Variants in VKORC1L1 observed in about 807,000 individuals in gnomAD.
The protein encoded by VKORC1L1 is vitamin K epoxide reductase complex subunit 1-like protein 1.
Under a neutral mutation model 18.9 loss-of-function variants are expected in VKORC1L1, and 2 were observed. The ratio of observed to expected loss-of-function variants is 0.11; its 90% CI spans 0.04 to 0.33. The LOEUF is 0.33. Ranked by LOEUF, VKORC1L1 falls within the 10% of genes least tolerant of loss-of-function variation. The probability of loss-of-function intolerance (pLI) is 1.00; values close to 1 mark genes in which losing one functional copy is unlikely to be tolerated. For missense variants in VKORC1L1, 123 were observed against 224.1 expected (o/e 0.55, Z 2.88); for synonymous variants, 96 against 100.0 (o/e 0.96, Z 0.24).
chr7:65,866,838 G>A, the VKORC1L1 span, among the ~76,000 whole-genome samples: 1 of 152,098 alleles, frequency 6.6e-6, no homozygotes, highest in Admixed American at 6.6e-5. Context: ...GCTTGAGCCT[G>A]GGGAGGTGAG....
At chr7:65,937,893 A>G (rs1789969534) in intron 1 of VKORC1L1, among the ~76,000 whole-genome samples, 1 of 152,176 alleles carries the variant, frequency 6.6e-6, no homozygotes, top group Non-Finnish European at 1.5e-5. Context: ...AAATTATTTG[A>G]TCTCCTTAGA....
chr7:65,899,290 T>C (rs1445705726), intron 1 of VKORC1L1, among the ~76,000 whole-genome samples: 2 of 152,218 alleles, frequency 1.3e-5, no homozygotes, highest in Admixed American at 6.5e-5. Context: ...TTGTCCAACA[T>C]TGGCCTACTC....
At chr7:65,895,767 T>G (rs1789198827) in intron 1 of VKORC1L1, among the ~76,000 whole-genome samples, 1 of 151,520 alleles carries the variant, frequency 6.6e-6, no homozygotes, top group Non-Finnish European at 1.5e-5. Flanking sequence ...AGTAGCCTCA[T>G]CTATAGAAAT....
Position 65,954,443 on chromosome 7 carries a change from T to C in VKORC1L1, c.*143T>C. The stretch of plus-strand genomic sequence containing the variant: ...CTCAAACTGATTTTTAAAAATCCGG[T>C]AAATTAGAAGGGGCCCTCGCTATTT... On this transcript the variant is annotated 3_prime_UTR_variant, in exon 3 of 3. Transcript: ENST00000360768. 1 of 1,345,154 alleles carries C rather than the reference T, an allele frequency of 7.4e-7. No individual in the cohort carries two copies. The highest frequency in any genetic ancestry group is 9.7e-7 in the Non-Finnish European group (1 of 1,031,408). The allele number at this position is 1,345,154 out of a possible 1,614,324, so 83.3% of individuals were successfully genotyped here.
intron 1 of VKORC1L1, among the ~76,000 whole-genome samples, chr7:65,947,955 G>C (rs34804747): frequency 0.13 from 19,278 of 152,120 alleles, 1,377 homozygotes; most frequent in Middle Eastern, 0.21. Flanking sequence ...TCCCAAGGTG[G>C]TGGGATTATA....
upstream of VKORC1L1, among the ~76,000 whole-genome samples, chr7:65,870,562 G>A (rs923920908): frequency 3.9e-5 from 6 of 152,200 alleles, no homozygotes; most frequent in African/African-American, 9.7e-5. Flanking sequence ...GAATGGACAC[G>A]TAAAATTGTG....
At chr7:65,927,023 A>G (rs1047878115) in intron 1 of VKORC1L1, among the ~76,000 whole-genome samples, 1 of 152,158 alleles carries the variant, frequency 6.6e-6, no homozygotes, top group African/African-American at 2.4e-5. Flanking sequence ...ATGGTGGCTC[A>G]CGCCTGTAAT....
At chr7:65,909,982 C>T (rs1789476746) in intron 1 of VKORC1L1, among the ~76,000 whole-genome samples, 1 of 152,066 alleles carries the variant, frequency 6.6e-6, no homozygotes, top group South Asian at 2.1e-4. Flanking sequence ...TCCCAAAGTG[C>T]TGGGATTACA....
rs553469693 is a variant in VKORC1L1, at chr7:65,875,323, A to G, written c.194+1758A>G. Among the ~76,000 whole-genome samples, 39 of 152,342 alleles carry G rather than the reference A, an allele frequency of 2.6e-4. No individual in the cohort carries two copies. In the South Asian group the frequency reaches 7.9e-3, roughly 31 times the overall value. The stretch of plus-strand genomic sequence containing the variant: ...AAATCACATATGTATATATACATAT[A>G]TAATCACATATATGTACATATATAG... On this transcript the variant is annotated intron_variant, in intron 1 of 2. Coordinates refer to ENST00000360768, the MANE Select transcript of VKORC1L1 (RefSeq NM_173517.6).
At chr7:65,899,166 T>G (rs1789266860) in intron 1 of VKORC1L1, among the ~76,000 whole-genome samples, 1 of 152,236 alleles carries the variant, frequency 6.6e-6, no homozygotes, top group African/African-American at 2.4e-5. Flanking sequence ...AAAGTGCCAT[T>G]TGAAGCCTGG....
intron 1 of VKORC1L1, among the ~76,000 whole-genome samples, chr7:65,906,394 G>A (rs1159338312): frequency 2.6e-5 from 4 of 151,970 alleles, no homozygotes; most frequent in Admixed American, 6.6e-5. Flanking sequence ...AAAGGAGTAT[G>A]GTGAAATTTT....
At chr7:65,931,083 A>G (rs1354850331) in intron 1 of VKORC1L1, among the ~76,000 whole-genome samples, 1 of 152,124 alleles carries the variant, frequency 6.6e-6, no homozygotes, top group Admixed American at 6.5e-5. Context: ...CCACTTGGTC[A>G]TGATATATTA....
At chr7:65,888,182 G>A (rs999440710) in intron 1 of VKORC1L1, among the ~76,000 whole-genome samples, 20 of 152,188 alleles carry the variant, frequency 1.3e-4, no homozygotes, top group African/African-American at 4.6e-4. Flanking sequence ...GAGATCCCTG[G>A]AATATCAAAA....
At chr7:65,912,729 C>G (rs192089654) in intron 1 of VKORC1L1, among the ~76,000 whole-genome samples, 3 of 152,208 alleles carry the variant, frequency 2.0e-5, no homozygotes, top group Admixed American at 6.5e-5. Flanking sequence ...TCCCACCCAT[C>G]AGGTGGGGAT....
At chr7:65,872,663 A>C (rs1300852205), upstream of VKORC1L1, among the ~76,000 whole-genome samples, 1 of 152,142 alleles carries the variant, frequency 6.6e-6, no homozygotes, top group East Asian at 1.9e-4. Flanking sequence ...TTTAAATTTA[A>C]AACATAGTTT....
At chr7:65,867,400 A>G in the VKORC1L1 span, among the ~76,000 whole-genome samples, 1 of 152,172 alleles carries the variant, frequency 6.6e-6, no homozygotes, top group Non-Finnish European at 1.5e-5. Flanking sequence ...GAGGATATTT[A>G]AGTTACTCTT....
intron 1 of VKORC1L1, among the ~76,000 whole-genome samples, chr7:65,929,650 ATATG>A (rs1418494043): frequency 7.2e-6 from 1 of 138,420 alleles, no homozygotes; most frequent in South Asian, 2.4e-4. Context: ...ATATATATAT[ATATG>A]TATGTGTGTG....
chr7:65,905,498 A>G (rs1348821483), intron 1 of VKORC1L1, among the ~76,000 whole-genome samples: 1 of 151,960 alleles, frequency 6.6e-6, no homozygotes, highest in East Asian at 1.9e-4. Flanking sequence ...TTTAGTAGAG[A>G]CAGGGTTTCA....
At chr7:65,893,622 C>T (rs1301915820) in intron 1 of VKORC1L1, among the ~76,000 whole-genome samples, 1 of 151,946 alleles carries the variant, frequency 6.6e-6, no homozygotes, top group Non-Finnish European at 1.5e-5. Flanking sequence ...CCACTGCACT[C>T]CAGCCTGGGT....
Sources: allele counts gnomAD v4.1 joint callset (sites outside exome capture counted in the v4.1 genomes callset), GRCh38; gene constraint gnomAD v4.1.1; transcripts MANE v1.5; gene names NCBI Gene and HGNC (gene_info 2026-07-23, HGNC 2026-07-21).